NLRP5: variants seen among roughly 807,000 people sequenced by gnomAD.
NLRP5 encodes the protein NACHT, LRR and PYD domains-containing protein 5.
Under a neutral mutation model 113.1 loss-of-function variants are expected in NLRP5, and 93 were observed. The observed-to-expected ratio is 0.82, with a 90% CI of 0.70 to 0.98. NLRP5 has a LOEUF of 0.98. Ranked by LOEUF, NLRP5 falls within the 50% of genes least tolerant of loss-of-function variation. The probability of loss-of-function intolerance (pLI) is 0.00; values close to 1 mark genes in which losing one functional copy is unlikely to be tolerated. For missense variants in NLRP5, 1,808 were observed against 1,514.3 expected (o/e 1.19, Z -3.22); for synonymous variants, 751 against 600.7 (o/e 1.25, Z -3.66).
At chr19:56,011,978 C>G (rs1448545982) in intron 3 of NLRP5, among the ~76,000 whole-genome samples, 2 of 152,022 alleles carry the variant, frequency 1.3e-5, no homozygotes, top group Non-Finnish European at 1.5e-5. Flanking sequence ...AGGCATGAGC[C>G]ACCGCACCCA....
chr19:56,000,371 G>C (rs945286016), intron 1 of NLRP5, among the ~76,000 whole-genome samples: 2 of 149,398 alleles, frequency 1.3e-5, no homozygotes, highest in Admixed American at 6.7e-5. Flanking sequence ...GTTTTTTTTT[G>C]TTTGTTTTTT....
rs539956878 is a variant in NLRP5 at position 56,005,208 on chromosome 19, CAT to C, written c.442+1115_442+1116del. Among the ~76,000 whole-genome samples, 597 of 124,582 alleles carry C rather than the reference CAT, an allele frequency of 4.8e-3. 8 individuals are homozygous for C. Among genetic ancestry groups the C allele is most frequent in the East Asian group, 0.036 (166 of 4,574 alleles). The allele number at this position is 124,582 out of a possible 152,430, so 81.7% of individuals were successfully genotyped here. A position where few individuals can be genotyped will look rare whatever the true frequency, so the allele number is the denominator to read the frequency against. ...ACACATATTTTTATATACACATACA[CAT>C]ACACACATATACACATATATTTTTA... On this transcript the variant is annotated intron_variant, in intron 2 of 14. Coordinates refer to ENST00000390649, the MANE Select transcript of NLRP5 (RefSeq NM_153447.4).
intron 7 of NLRP5, among the ~76,000 whole-genome samples, chr19:56,030,857 T>G (rs749110121): frequency 1.8e-4 from 28 of 151,722 alleles, no homozygotes; most frequent in Non-Finnish European, 3.4e-4. Context: ...TGGACTACAG[T>G]TGCCCACCAC....
At position 56,008,778 on chromosome 19, in the gene NLRP5, T is replaced by C. The variant is rs764426802; in HGVS notation, c.443-10T>C. On this transcript the variant is annotated splice_polypyrimidine_tract_variant and intron_variant, in intron 2 of 14. Transcript: ENST00000390649. ...ATTGAGGCCAGTCTCCCTTTTTCTT[T>C]GTCTTCCAGGACATTCACCAGAAGA... 41 of 1,604,106 alleles carry C rather than the reference T, an allele frequency of 2.6e-5. No homozygotes were observed. In the South Asian group the frequency reaches 4.5e-4, roughly 18 times the overall value.
intron 3 of NLRP5, among the ~76,000 whole-genome samples, chr19:56,013,593 T>TG (rs200524858): frequency 2.5e-4 from 32 of 126,362 alleles, no homozygotes; most frequent in South Asian, 7.8e-4. Flanking sequence ...GATGGACATT[T>TG]GGGTTTTTTT....
At chr19:56,049,667 A>G (rs543992) in intron 11 of NLRP5, among the ~76,000 whole-genome samples, 98,131 of 151,882 alleles carry the variant, frequency 0.65, 32,272 homozygotes, top group Non-Finnish European at 0.7. Flanking sequence ...AGACCATTTC[A>G]CATTTCTAAA....
At chr19:56,039,559 G>A (rs1983442215) in intron 10 of NLRP5, among the ~76,000 whole-genome samples, 1 of 152,132 alleles carries the variant, frequency 6.6e-6, no homozygotes, top group African/African-American at 2.4e-5. Flanking sequence ...CTCTTTACGG[G>A]AAAACACCTA....
chr19:56,021,437 T>G (rs973830044), intron 6 of NLRP5, among the ~76,000 whole-genome samples: 1 of 152,160 alleles, frequency 6.6e-6, no homozygotes, highest in Admixed American at 6.6e-5. Context: ...CCAAGACATT[T>G]TTTTTCTCCC....
At chr19:55,997,455 T>C (rs1981360212), upstream of NLRP5, among the ~76,000 whole-genome samples, 1 of 152,186 alleles carries the variant, frequency 6.6e-6, no homozygotes, top group Admixed American at 6.5e-5. Flanking sequence ...ATCAGGACAA[T>C]GCTTGGCTCA....
chr19:56,003,923 A>G lies in NLRP5; in HGVS notation c.270A>G (p.Glu90=). 3 of 1,614,064 alleles carry G rather than the reference A, an allele frequency of 1.9e-6. No homozygotes were observed. The highest frequency in any genetic ancestry group is 8.5e-7 in the Non-Finnish European group (1 of 1,179,904). Residue 90 remains glutamate (E), a synonymous_variant, in exon 2 of 15, where the codon GAA becomes GAG. Coordinates refer to ENST00000390649, the MANE Select transcript of NLRP5 (RefSeq NM_153447.4). ...AATTACTAAAGAAGAAATCTTCAGA[A>G]TCGACCACATGCTCTATTCCACAGT...
chr19:55,989,915 A>G, the NLRP5 span, among the ~76,000 whole-genome samples: 2 of 152,072 alleles, frequency 1.3e-5, no homozygotes, highest in African/African-American at 4.8e-5. Context: ...ATGTAGGAGC[A>G]CCTTTTCCTT....
intron 1 of NLRP5, among the ~76,000 whole-genome samples, chr19:56,003,176 T>C (rs10404266): frequency 0.2 from 29,814 of 151,950 alleles, 3,684 homozygotes; most frequent in African/African-American, 0.33. Context: ...TTTTTTGAGA[T>C]GGAGTTTCAC....
At position 56,031,877 on chromosome 19, in the gene NLRP5, G is replaced by A. The variant is rs552804009; in HGVS notation, c.2277-734G>A. ...TGAAAATGCCACAGTGAGCGTGGGA[G>A]ACCAAACACCTCTTCCACATCCTGA... is the stretch of plus-strand genomic sequence containing the variant. On this transcript the variant is annotated intron_variant, in intron 7 of 14. Coordinates refer to ENST00000390649, the MANE Select transcript of NLRP5 (RefSeq NM_153447.4). Among the ~76,000 whole-genome samples, 20 of 152,300 alleles carry A rather than the reference G, an allele frequency of 1.3e-4. No homozygotes were observed. In the South Asian group the frequency reaches 3.9e-3, roughly 30 times the overall value.
intron 13 of NLRP5, among the ~76,000 whole-genome samples, chr19:56,057,004 C>T (rs1984179834): frequency 6.6e-6 from 1 of 151,980 alleles, no homozygotes; most frequent in African/African-American, 2.4e-5. Context: ...GGCATGGTGG[C>T]AGGCGCTTGT....
chr19:56,056,754 A>C (rs1984168240), intron 13 of NLRP5, among the ~76,000 whole-genome samples: 1 of 152,228 alleles, frequency 6.6e-6, no homozygotes, highest in Admixed American at 6.5e-5. Context: ...TTTTAGAAGC[A>C]AAATGAAAAA....
Position 56,001,645 on chromosome 19 carries a change from C to T in NLRP5, c.62+1858C>T, listed in dbSNP as rs1232680165. Among the ~76,000 whole-genome samples the T allele has an allele frequency of 3.3e-5, 5 of 152,152 alleles. No individual in the cohort carries two copies. The East Asian group carries it at 9.7e-4, about 29-fold the overall frequency. On this transcript the variant is annotated intron_variant, in intron 1 of 14. Transcript: ENST00000390649. ...GTCTAAGCAAGCAGAGCCAAAAATC[C>T]GTGTTAACAGAAACCCTACAGGCTG... is the stretch of plus-strand genomic sequence containing the variant.
Position 56,032,596 on chromosome 19 carries a change from T to TC in NLRP5, c.2277-9dup, listed in dbSNP as rs750085979. The TC allele has an allele frequency of 5.6e-6, 9 of 1,604,580 alleles. No homozygotes were observed. Among genetic ancestry groups the TC allele is most frequent in the Admixed American group, 3.4e-5 (2 of 59,322 alleles). ...TCCATCCCATGAGCCCATGTTTCTA[T>TC]CCCCCCTGACATAGGATGCGGGATA... is the stretch of plus-strand genomic sequence containing the variant. On this transcript the variant is annotated splice_polypyrimidine_tract_variant and intron_variant, in intron 7 of 14. Coordinates refer to ENST00000390649, the MANE Select transcript of NLRP5 (RefSeq NM_153447.4).
intron 11 of NLRP5, among the ~76,000 whole-genome samples, chr19:56,042,618 C>T (rs1011262838): frequency 6.6e-6 from 1 of 151,840 alleles, no homozygotes; most frequent in African/African-American, 2.4e-5. Flanking sequence ...GCTGGGATTA[C>T]AGGCATGAGC....
At chr19:56,028,541 G>A (rs577538562) in intron 7 of NLRP5, 32 bp downstream of exon 7, 75 of 1,585,902 alleles carry the variant, frequency 4.7e-5, no homozygotes, top group South Asian at 1.3e-4. Context: ...ATCCTATGCC[G>A]TGTGCTGAGC....
Sources: gnomAD v4.1 joint callset for allele counts (sites outside exome capture counted in the v4.1 genomes callset) on GRCh38, gnomAD v4.1.1 for gene constraint, MANE v1.5 for transcripts, NCBI Gene and HGNC (gene_info 2026-07-23, HGNC 2026-07-21) for gene names.